The following CLIC2 variants were observed in gnomAD, a reference collection of about 807,000 sequenced individuals.
CLIC2 encodes CLIC family member 2, also known as chloride intracellular channel protein 2.
CLIC2 carries 9 observed loss-of-function variants against 14.8 expected under a neutral mutation model. That is an observed-to-expected ratio of 0.61 (90% CI 0.37 to 1.06). The LOEUF (loss-of-function observed/expected upper bound fraction) is 1.06, where lower values mean the gene tolerates loss of function less well. Ranked by LOEUF, CLIC2 falls within the 50% of genes least tolerant of loss-of-function variation. The probability of loss-of-function intolerance (pLI) is 0.01; values close to 1 mark genes in which losing one functional copy is unlikely to be tolerated. For missense variants in CLIC2, 148 were observed against 181.4 expected (o/e 0.82, Z 1.06); for synonymous variants, 61 against 66.3 (o/e 0.92, Z 0.39).
At chrX:155,307,895 G>A (rs1234749525) in intron 1 of CLIC2, among the ~76,000 whole-genome samples, 4 of 111,201 alleles carry the variant, frequency 3.6e-5, no homozygotes, top group African/African-American at 1.3e-4. Flanking sequence ...TTGGGCAAAA[G>A]AGAGGAGAGG....
chrX:155,290,491 A>G (rs1557317495), intron 3 of CLIC2: 1 of 539,553 alleles, frequency 1.9e-6, no homozygotes, highest in African/African-American at 2.3e-5. Flanking sequence ...GTCTATCTCA[A>G]TCTTTCTAAT....
Position 155,334,443 on chromosome X carries a change from C to G in CLIC2, c.-16G>C. 2 of 1,190,258 alleles carry G rather than the reference C, an allele frequency of 1.7e-6. No individual in the cohort carries two copies. The highest frequency in any genetic ancestry group is 2.3e-6 in the Non-Finnish European group (2 of 876,192). ...GGCCTGACATCTTTGTCTTTACTGC[C>G]AGTTGTCAGCCTCCTGCCTCCTGTA... is the stretch of plus-strand genomic sequence containing the variant. On this transcript the variant is annotated 5_prime_UTR_variant, in exon 1 of 6. Transcript: ENST00000369449.
At chrX:155,324,513 G>A (rs1354077574) in intron 1 of CLIC2, among the ~76,000 whole-genome samples, 2 of 111,721 alleles carry the variant, frequency 1.8e-5, no homozygotes, top group African/African-American at 6.5e-5. Context: ...AAGAAATGGG[G>A]AAAGATTCCC....
intron 1 of CLIC2, among the ~76,000 whole-genome samples, chrX:155,332,823 G>A (rs782674508): frequency 8.9e-6 from 1 of 112,484 alleles, no homozygotes; most frequent in East Asian, 2.8e-4. Flanking sequence ...ATAGGTGAAA[G>A]CCAACAATTG....
chrX:155,300,852 T>C (rs1156641905), intron 1 of CLIC2, among the ~76,000 whole-genome samples: 1 of 86,752 alleles, frequency 1.2e-5, no homozygotes, highest in Non-Finnish European at 2.4e-5. Flanking sequence ...CCCCATTGCT[T>C]GTTTTTCTCA....
chrX:155,320,553 G>A (rs1485527224), intron 1 of CLIC2, among the ~76,000 whole-genome samples: 3 of 111,930 alleles, frequency 2.7e-5, no homozygotes, highest in Non-Finnish European at 5.6e-5. Flanking sequence ...GTCACCATCC[G>A]AAGGTCACCA....
At chrX:155,305,452 C>A (rs1333764839) in intron 1 of CLIC2, among the ~76,000 whole-genome samples, 4 of 112,185 alleles carry the variant, frequency 3.6e-5, no homozygotes, top group Admixed American at 9.4e-5. Flanking sequence ...GTGCACGCAC[C>A]CACTGACCTG....
chrX:155,305,371 G>GT (rs2075050691), intron 1 of CLIC2, among the ~76,000 whole-genome samples: 1 of 112,500 alleles, frequency 8.9e-6, no homozygotes, highest in Non-Finnish European at 1.9e-5. Flanking sequence ...CTTTGACTCA[G>GT]AAAGGGAACT....
rs1406010394 is a variant in CLIC2, at chrX:155,332,900, A to G, written c.57+1471T>C. 2.7e-5 allele frequency among the ~76,000 whole-genome samples: 3 copies of G among 112,512 alleles called. No homozygotes were observed. The East Asian group carries it at 8.4e-4, about 31-fold the overall frequency. On this transcript the variant is annotated intron_variant, in intron 1 of 5. Transcript: ENST00000369449. ...AGGGAACACTTTAGTTACCCAGTGAAGAGACATTACTTCTGATTTGGAATT... is the reference window on the plus strand; with the variant it reads ...AGGGAACACTTTAGTTACCCAGTGAGGAGACATTACTTCTGATTTGGAATT...
chrX:155,291,943 G>A (rs367747937), intron 3 of CLIC2, among the ~76,000 whole-genome samples: 1 of 112,073 alleles, frequency 8.9e-6, no homozygotes, highest in Non-Finnish European at 1.9e-5. Context: ...CCGCAGCCCC[G>A]CGGCCATGCG....
chrX:155,330,768 G>A (rs1229822179), intron 1 of CLIC2, among the ~76,000 whole-genome samples: 1 of 110,751 alleles, frequency 9.0e-6, no homozygotes, highest in African/African-American at 3.3e-5. Flanking sequence ...CCTGAGAGAT[G>A]ATGAGGACTA....
intron 1 of CLIC2, among the ~76,000 whole-genome samples, chrX:155,323,140 A>T (rs2075122837): frequency 8.9e-6 from 1 of 111,864 alleles, no homozygotes; most frequent in African/African-American, 3.3e-5. Context: ...AAACTATTCC[A>T]AACAATAGAA....
chrX:155,318,506 T>G (rs1437698116), intron 1 of CLIC2, among the ~76,000 whole-genome samples: 1 of 111,716 alleles, frequency 9.0e-6, no homozygotes, highest in East Asian at 2.8e-4. Flanking sequence ...TACCTAACCA[T>G]GGAGGTGAAA....
chrX:155,332,714 GTTA>G (rs1402572190), intron 1 of CLIC2, among the ~76,000 whole-genome samples: 1 of 112,032 alleles, frequency 8.9e-6, no homozygotes, highest in Non-Finnish European at 1.9e-5. Context: ...TCCTTTGAAA[GTTA>G]TTATTTAATT....
At chrX:155,288,057 G>A (rs1452540798) in intron 3 of CLIC2, among the ~76,000 whole-genome samples, 2 of 111,889 alleles carry the variant, frequency 1.8e-5, no homozygotes, top group Non-Finnish European at 3.8e-5. Context: ...CAGCTTGGCT[G>A]ATGTTGATGT....
chrX:155,282,514 C>T (rs1040247251), intron 3 of CLIC2, among the ~76,000 whole-genome samples: 1 of 110,931 alleles, frequency 9.0e-6, no homozygotes, highest in Admixed American at 9.6e-5. Context: ...TAGGCTGGTC[C>T]CCACAGACTT....
chrX:155,315,577 C>G (rs1036241135), intron 1 of CLIC2, among the ~76,000 whole-genome samples: 1 of 111,489 alleles, frequency 9.0e-6, no homozygotes, highest in East Asian at 2.8e-4. Flanking sequence ...TTCGCCACTA[C>G]CAAGCTGGCA....
chrX:155,298,522 A>G (rs1439753444), intron 3 of CLIC2, among the ~76,000 whole-genome samples: 1 of 112,092 alleles, frequency 8.9e-6, no homozygotes, highest in East Asian at 2.8e-4. Context: ...ATCTCACTAT[A>G]TGTTCCTACT....
intron 1 of CLIC2, among the ~76,000 whole-genome samples, chrX:155,311,056 G>A (rs781795586): frequency 8.9e-6 from 1 of 111,873 alleles, no homozygotes; most frequent in South Asian, 3.8e-4. Context: ...GGTGGAAGGG[G>A]CTGCCACAAA....
Sources: gnomAD v4.1 joint callset for allele counts (sites outside exome capture counted in the v4.1 genomes callset) on GRCh38, gnomAD v4.1.1 for gene constraint, MANE v1.5 for transcripts, NCBI Gene and HGNC (gene_info 2026-07-23, HGNC 2026-07-21) for gene names.